PCDHA4: variants seen among roughly 807,000 people sequenced by gnomAD.
PCDHA4 encodes protocadherin alpha-4.
A neutral mutation model predicts 61.4 loss-of-function variants in PCDHA4; 49 were observed. The observed-to-expected ratio is 0.80, with a 90% CI of 0.63 to 1.01. The LOEUF (loss-of-function observed/expected upper bound fraction) is 1.01. Ranked by LOEUF, PCDHA4 falls within the 50% of genes least tolerant of loss-of-function variation. The pLI is 0.00. For synonymous variants in PCDHA4, 590 were observed against 550.3 expected, an observed-to-expected ratio of 1.07 and a Z score of -1.01; for missense variants, 1,254 against 1,235.8, an observed-to-expected ratio of 1.01 and a Z score of -0.22.
chr5:141,000,418 T>TAA (rs2097924814), intron 3 of PCDHA4, among the ~76,000 whole-genome samples: 1 of 83,682 alleles, frequency 1.2e-5, no homozygotes, highest in Non-Finnish European at 2.2e-5. Context: ...TATATATATA[T>TAA]ATATTTTTTT....
chr5:140,928,981 G>A, intron 1 of PCDHA4: 1 of 1,613,802 alleles, frequency 6.2e-7, no homozygotes, highest in Non-Finnish European at 8.5e-7. Context: ...TTTATTTCTG[G>A]GGTGCTTACT....
intron 1 of PCDHA4, among the ~76,000 whole-genome samples, chr5:140,887,340 CCT>C (rs1554183026): frequency 1.3e-5 from 2 of 152,144 alleles, no homozygotes; most frequent in African/African-American, 4.8e-5. Flanking sequence ...TCGTGATCCA[CCT>C]GGCTCGGCCT....
chr5:140,972,820 C>T (rs1247488574), intron 1 of PCDHA4, among the ~76,000 whole-genome samples: 1 of 151,962 alleles, frequency 6.6e-6, no homozygotes, highest in Non-Finnish European at 1.5e-5. Context: ...CGCGCCACCA[C>T]GCCTGGCTAA....
chr5:140,946,221 A>G (rs1287007358), intron 1 of PCDHA4, among the ~76,000 whole-genome samples: 2 of 152,214 alleles, frequency 1.3e-5, no homozygotes, highest in Admixed American at 6.5e-5. Context: ...ACCAACAGGT[A>G]TACTAAAAAA....
chr5:140,851,937 T>A, intron 1 of PCDHA4: 1 of 965,138 alleles, frequency 1.0e-6, no homozygotes, highest in Non-Finnish European at 1.3e-6. Context: ...TGAATTGTAG[T>A]ATGTGACTTT....
At chr5:140,826,670 A>C (rs1256098007) in intron 1 of PCDHA4, among the ~76,000 whole-genome samples, 1 of 152,172 alleles carries the variant, frequency 6.6e-6, no homozygotes, top group African/African-American at 2.4e-5. Context: ...TAAATTGTAG[A>C]CGTAATTAAA....
Position 140,853,160 on chromosome 5 carries a change from T to C in PCDHA4, c.2385+43588T>C, listed in dbSNP as rs2150529157. 1.0e-3 allele frequency: 954 copies of C among 925,650 alleles called. 57 individuals carry two copies. The highest frequency in any genetic ancestry group is 1.2e-3 in the Non-Finnish European group (917 of 763,430). 57.3% of individuals were successfully genotyped at this position (925,650 alleles called of 1,614,324 possible). ...TCCCAAAATGCTGGGATTACAGGCG[T>C]GAGCCACCGCGCCTGGCCTAAAATG... On this transcript the variant is annotated intron_variant, in intron 1 of 3. Transcript: ENST00000530339.
chr5:140,856,705 T>C lies in PCDHA4; in HGVS notation c.2385+47133T>C, dbSNP rs1180012715. 2.5e-6 allele frequency: 4 copies of C among 1,596,614 alleles called. No homozygotes were observed. The African/African-American group carries it at 5.4e-5, about 22-fold the overall frequency. ...TGACAGCAACTGATGGAGGCAAACC[T>C]GAATTTACCGGATCTGTTTCTCTGC... On this transcript the variant is annotated intron_variant, in intron 1 of 3. Transcript: ENST00000530339.
chr5:140,828,576 T>C, intron 1 of PCDHA4: 3 of 1,614,230 alleles, frequency 1.9e-6, no homozygotes, highest in Admixed American at 1.7e-5. Context: ...GATGCAGATG[T>C]TGGCTCAAAT....
At chr5:140,894,042 C>T (rs1180138209) in intron 1 of PCDHA4, among the ~76,000 whole-genome samples, 2 of 152,078 alleles carry the variant, frequency 1.3e-5, no homozygotes, top group African/African-American at 2.4e-5. Context: ...TAATGTAAGT[C>T]CTCTGTTGAA....
intron 1 of PCDHA4, among the ~76,000 whole-genome samples, chr5:140,951,625 A>T (rs2094607568): frequency 6.6e-6 from 1 of 152,114 alleles, no homozygotes; most frequent in African/African-American, 2.4e-5. Flanking sequence ...CAAGGGGGAA[A>T]CCTGCCCCAT....
At chr5:140,862,923 C>T in intron 1 of PCDHA4, 1 of 546,076 alleles carries the variant, frequency 1.8e-6, no homozygotes, top group South Asian at 1.4e-5. Flanking sequence ...CTTGGGTGGG[C>T]TGGCGGCGCT....
intron 1 of PCDHA4, among the ~76,000 whole-genome samples, chr5:140,945,222 A>T (rs1019202574): frequency 4.6e-5 from 7 of 152,260 alleles, no homozygotes; most frequent in Middle Eastern, 6.8e-3. Context: ...AAATAAAAAT[A>T]CTTAGGAATA....
intron 1 of PCDHA4, chr5:140,812,494 G>A (rs557452358): frequency 3.3e-5 from 5 of 151,792 alleles, no homozygotes; most frequent in Admixed American, 2.6e-4. Context: ...CTTTATTATA[G>A]TATTTCCTCC....
At chr5:140,911,396 G>C (rs1348303429) in intron 1 of PCDHA4, among the ~76,000 whole-genome samples, 1 of 152,104 alleles carries the variant, frequency 6.6e-6, no homozygotes, top group Non-Finnish European at 1.5e-5. Context: ...TTTCATTGCA[G>C]GTCAGCCACT....
chr5:140,863,415 C>T (rs782613716), intron 1 of PCDHA4: 2 of 737,502 alleles, frequency 2.7e-6, no homozygotes, highest in Admixed American at 1.9e-5. Flanking sequence ...CGCTGGTGTA[C>T]CGCAGCGTAG....
chr5:140,824,301 G>A (rs1768078809), intron 1 of PCDHA4: 14 of 835,542 alleles, frequency 1.7e-5, no homozygotes, highest in Non-Finnish European at 2.5e-5. Flanking sequence ...TTTCTGCTGG[G>A]GTAATAGATT....
intron 1 of PCDHA4, among the ~76,000 whole-genome samples, chr5:140,902,906 G>T (rs1047423029): frequency 9.2e-5 from 14 of 152,162 alleles, no homozygotes; most frequent in Admixed American, 3.3e-4. Context: ...TTAGTTTATG[G>T]CTGAGTAGTA....
chr5:140,849,774 G>GTA (rs2150449432), intron 1 of PCDHA4: 1 of 1,598,482 alleles, frequency 6.3e-7, no homozygotes, highest in Non-Finnish European at 8.6e-7. Context: ...GGTGGTTACC[G>GTA]CGCGGGACGG....
Sources: gnomAD v4.1 joint callset for allele counts (sites outside exome capture counted in the v4.1 genomes callset) on GRCh38, gnomAD v4.1.1 for gene constraint, MANE v1.5 for transcripts, NCBI Gene and HGNC (gene_info 2026-07-23, HGNC 2026-07-21) for gene names.